The following EGFLAM variants were observed in gnomAD, a reference collection of about 807,000 sequenced individuals.
EGFLAM encodes the protein EGF like, fibronectin type III and laminin G domains, also known as pikachurin.
In EGFLAM, 79 loss-of-function variants were observed where a neutral mutation model predicts 113.1. The ratio of observed to expected loss-of-function variants is 0.70; its 90% CI spans 0.58 to 0.84. EGFLAM has a LOEUF of 0.84. EGFLAM is among the 40% of genes least tolerant of loss of function. EGFLAM has a pLI of 0.00. For missense variants in EGFLAM, 1,265 were observed against 1,291.6 expected, an observed-to-expected ratio of 0.98 and a Z score of 0.32; for synonymous variants, 504 against 487.6, an observed-to-expected ratio of 1.03 and a Z score of -0.44.
chr5:38,336,608 G>GAC (rs921746625), intron 1 of EGFLAM, among the ~76,000 whole-genome samples: 2 of 99,578 alleles, frequency 2.0e-5, no homozygotes, highest in African/African-American at 1.2e-4. Flanking sequence ...CAGACACACA[G>GAC]ACACACACAA....
At chr5:38,329,108 G>C (rs1022395059) in intron 1 of EGFLAM, among the ~76,000 whole-genome samples, 24 of 152,020 alleles carry the variant, frequency 1.6e-4, no homozygotes, top group Non-Finnish European at 2.2e-4. Flanking sequence ...AACATAGTGA[G>C]ACCCTGTTTC....
rs756043429 is a variant in EGFLAM, at chr5:38,427,041, T to C, written c.1843T>C (p.Ser615Pro). ...CTTGACCATTCCTCAGTTCAGAGAGTCTCTGAGATCTTACGCTGCAACTCC... is the reference window on the plus strand; with the variant it reads ...CTTGACCATTCCTCAGTTCAGAGAGCCTCTGAGATCTTACGCTGCAACTCC... ...FTLTIPQFRE[S>P]LRSYAATPWP... The change falls in exon 14 of 22, where the codon TCT (serine) becomes CCT (proline). Residue 615 changes from serine (S) to proline (P), a missense_variant. By Grantham distance (74) the Ser-to-Pro change is moderately conservative. Transcript: ENST00000322350. 3 of 1,613,942 alleles carry C rather than the reference T, an allele frequency of 1.9e-6. No homozygotes were observed. The highest frequency in any genetic ancestry group is 2.5e-6 in the Non-Finnish European group (3 of 1,179,986).
At chr5:38,272,122 A>C (rs1757779724) in intron 1 of EGFLAM, among the ~76,000 whole-genome samples, 1 of 152,178 alleles carries the variant, frequency 6.6e-6, no homozygotes, top group African/African-American at 2.4e-5. Context: ...TCCCACCTAC[A>C]TGCTGCCAAA....
At chr5:38,412,745 G>A (rs952652078) in intron 11 of EGFLAM, 97 bp downstream of exon 11, 2 of 1,486,026 alleles carry the variant, frequency 1.3e-6, no homozygotes, top group East Asian at 4.8e-5. Flanking sequence ...GAGTCTGCAG[G>A]ATTCAAGTTC....
intron 6 of EGFLAM, among the ~76,000 whole-genome samples, chr5:38,395,103 G>C (rs1159228459): frequency 2.0e-5 from 3 of 151,988 alleles, no homozygotes; most frequent in African/African-American, 4.8e-5. Flanking sequence ...ACCATGCCCA[G>C]CCAATTTTGT....
chr5:38,336,242 T>C (rs1231701759), intron 1 of EGFLAM, among the ~76,000 whole-genome samples: 1 of 152,170 alleles, frequency 6.6e-6, no homozygotes, highest in Non-Finnish European at 1.5e-5. Flanking sequence ...TGTATGTATA[T>C]ATACATAATC....
At chr5:38,414,433 T>A (rs1336233280) in intron 11 of EGFLAM, among the ~76,000 whole-genome samples, 5 of 152,172 alleles carry the variant, frequency 3.3e-5, no homozygotes, top group Admixed American at 3.3e-4. Context: ...GGAAGTTCCA[T>A]AGCTGTTAAC....
chr5:38,406,875 G>C lies in EGFLAM; in HGVS notation c.876G>C (p.Val292=). ...AAGGAGGGAATAAGAAATTTTTGGT[G>C]GAAAGCAAGAAGATGTCTATATCTA... ...ATKGGNKKFL[V]ESKKMSISNP... The change falls in exon 8 of 22, where the codon GTG becomes GTC. Residue 292 remains valine, a synonymous_variant. Coordinates refer to ENST00000322350, the MANE Select transcript of EGFLAM (RefSeq NM_152403.4). 2 of 1,614,082 alleles carry C rather than the reference G, an allele frequency of 1.2e-6. No individual in the cohort carries two copies. Among genetic ancestry groups the C allele is most frequent in the Non-Finnish European group, 1.7e-6 (2 of 1,179,990 alleles).
chr5:38,427,557 G>A (rs183037076), intron 14 of EGFLAM, among the ~76,000 whole-genome samples: 3 of 152,156 alleles, frequency 2.0e-5, no homozygotes, highest in Non-Finnish European at 2.9e-5. Context: ...TCCACCTAAA[G>A]TTATGTCATG....
intron 6 of EGFLAM, among the ~76,000 whole-genome samples, chr5:38,390,790 G>GT (rs1186453185): frequency 2.0e-5 from 3 of 152,034 alleles, no homozygotes; most frequent in Admixed American, 2.0e-4. Context: ...TGAATGGACT[G>GT]TTTATATGCT....
At chr5:38,366,687 G>A (rs1740070249) in intron 5 of EGFLAM, among the ~76,000 whole-genome samples, 1 of 152,174 alleles carries the variant, frequency 6.6e-6, no homozygotes, top group South Asian at 2.1e-4. Context: ...TGACCATGTA[G>A]GTAGAATGAG....
intron 6 of EGFLAM, among the ~76,000 whole-genome samples, chr5:38,398,348 T>C (rs770680055): frequency 2.6e-5 from 4 of 152,180 alleles, no homozygotes; most frequent in Non-Finnish European, 4.4e-5. Flanking sequence ...CCAAAATAGA[T>C]AGTGTTGATT....
chr5:38,316,075 C>CAA (rs1738586438), intron 1 of EGFLAM, among the ~76,000 whole-genome samples: 1 of 83,952 alleles, frequency 1.2e-5, no homozygotes. Flanking sequence ...AGACTCTGTC[C>CAA]CAAAAAAAAA....
At chr5:38,272,265 T>G (rs1485831978) in intron 1 of EGFLAM, among the ~76,000 whole-genome samples, 1 of 152,180 alleles carries the variant, frequency 6.6e-6, no homozygotes, top group South Asian at 2.1e-4. Flanking sequence ...CTTTATAATG[T>G]CTTTGGAGGC....
chr5:38,281,253 T>C (rs1758014620), intron 1 of EGFLAM, among the ~76,000 whole-genome samples: 1 of 152,184 alleles, frequency 6.6e-6, no homozygotes, highest in Admixed American at 6.5e-5. Context: ...TTATGCTAAG[T>C]TTTGATTAAA....
chr5:38,345,473 C>T (rs1260334378), intron 3 of EGFLAM: 2 of 152,116 alleles, frequency 1.3e-5, no homozygotes, highest in East Asian at 1.9e-4. Flanking sequence ...ATTCACTGCT[C>T]GCATAAAGCC....
At chr5:38,386,614 G>C (rs113960782) in intron 6 of EGFLAM, among the ~76,000 whole-genome samples, 26,957 of 152,044 alleles carry the variant, frequency 0.18, 2,621 homozygotes, top group Non-Finnish European at 0.21. Context: ...TCAAGTGATT[G>C]TCCTGCCTCA....
At chr5:38,445,404 C>T (rs1742673068) in intron 17 of EGFLAM, 1 of 1,185,254 alleles carries the variant, frequency 8.4e-7, no homozygotes, top group East Asian at 2.9e-5. Flanking sequence ...TGATTCTAAA[C>T]ATCTTCTTGG....
chr5:38,417,986 G>C, intron 11 of EGFLAM, 80 bp from the exon 12 acceptor site: 1 of 1,389,314 alleles, frequency 7.2e-7, no homozygotes, highest in Non-Finnish European at 9.9e-7. Context: ...TCTTAACCAT[G>C]TCCCTCATAA....
Sources: gnomAD v4.1 joint callset for allele counts (sites outside exome capture counted in the v4.1 genomes callset) on GRCh38, gnomAD v4.1.1 for gene constraint, MANE v1.5 for transcripts, NCBI Gene and HGNC (gene_info 2026-07-23, HGNC 2026-07-21) for gene names.